Variants in GBP7 observed in about 807,000 individuals in gnomAD.
The protein encoded by GBP7 is guanylate binding protein 7.
In GBP7, 43 loss-of-function variants were observed where a neutral mutation model predicts 61.3. That is an observed-to-expected ratio of 0.70 (90% confidence interval 0.55 to 0.91). The LOEUF is 0.91. Ranked by LOEUF, GBP7 falls within the 40% of genes least tolerant of loss-of-function variation. The pLI is 0.00. For synonymous variants in GBP7, 267 were observed against 271.0 expected (o/e 0.99, Z 0.14); for missense variants, 717 against 740.5 (o/e 0.97, Z 0.37).
chr1:89,175,430 G>A (rs1034301850), intron 1 of GBP7, among the ~76,000 whole-genome samples: 27 of 152,160 alleles, frequency 1.8e-4, no homozygotes, highest in African/African-American at 4.8e-4. Flanking sequence ...CAGAGTATGC[G>A]TCTGTCCAAT....
At chr1:89,154,084 G>A (rs1380457960) in intron 3 of GBP7, among the ~76,000 whole-genome samples, 1 of 152,126 alleles carries the variant, frequency 6.6e-6, no homozygotes, top group Non-Finnish European at 1.5e-5. Flanking sequence ...ATTAAATGCT[G>A]ACCAAATCCA....
At chr1:89,144,185 A>G (rs1034832460) in intron 8 of GBP7, among the ~76,000 whole-genome samples, 2 of 152,076 alleles carry the variant, frequency 1.3e-5, no homozygotes, top group African/African-American at 4.8e-5. Context: ...AGATGCATCC[A>G]TTTTTCTGCA....
chr1:89,169,736 C>G (rs547167455), intron 2 of GBP7, among the ~76,000 whole-genome samples: 2 of 152,258 alleles, frequency 1.3e-5, no homozygotes, highest in African/African-American at 4.8e-5. Flanking sequence ...AAAAGTTCAC[C>G]AAACCACTCA....
intron 8 of GBP7, 85 bp downstream of exon 8, chr1:89,147,482 G>A (rs1384053551): frequency 2.0e-6 from 2 of 1,019,988 alleles, no homozygotes; most frequent in Non-Finnish European, 3.1e-6. Context: ...GATAAATGGT[G>A]CTGTGTTCTT....
chr1:89,150,574 GC>G lies in GBP7; in HGVS notation c.626del (p.Gly209AlafsTer32). 1.2e-6 allele frequency: 2 copies of G among 1,613,232 alleles called. No homozygotes were observed. Among genetic ancestry groups the G allele is most frequent in the South Asian group, 1.1e-5 (1 of 91,022 alleles). ...YLENALKLISGKNPQIQNSNK... is the reference protein window; with the variant it reads ...YLENALKLISXKNPQIQNSNK... The stretch of plus-strand genomic sequence containing the variant: ...TAGAATTTTGGATTTGGGGATTCTT[GC>G]CTGCAGAATTAGTGAAAAAGTGACT... On this transcript the variant is annotated frameshift_variant and splice_region_variant, in exon 6 of 11. Coordinates refer to ENST00000294671, the MANE Select transcript of GBP7 (RefSeq NM_207398.3). LOFTEE classifies it high-confidence loss of function.
intron 8 of GBP7, among the ~76,000 whole-genome samples, chr1:89,143,230 G>T (rs1262820398): frequency 6.6e-6 from 1 of 152,104 alleles, no homozygotes; most frequent in Non-Finnish European, 1.5e-5. Context: ...TTTTCATTTT[G>T]TGAGGAAATT....
intron 2 of GBP7, 22 bp downstream of exon 2, chr1:89,171,724 A>G (rs767817640): frequency 2.1e-5 from 33 of 1,608,078 alleles, no homozygotes; most frequent in Non-Finnish European, 2.8e-5. Flanking sequence ...GGGCTCATCC[A>G]TGCTTTGCTG....
intron 9 of GBP7, among the ~76,000 whole-genome samples, chr1:89,139,806 G>C (rs903452973): frequency 6.6e-6 from 1 of 152,206 alleles, no homozygotes; most frequent in Admixed American, 6.5e-5. Flanking sequence ...ATGCTGGAGA[G>C]GATGTGGAGA....
intron 5 of GBP7, 110 bp downstream of exon 5, chr1:89,152,158 A>T (rs1455126661): frequency 3.5e-6 from 3 of 869,466 alleles, no homozygotes; most frequent in African/African-American, 3.3e-5. Flanking sequence ...ACCATGAGCA[A>T]GGGCCTCAAT....
At chr1:89,144,850 A>G (rs1306823639) in intron 8 of GBP7, among the ~76,000 whole-genome samples, 2 of 151,944 alleles carry the variant, frequency 1.3e-5, no homozygotes, top group African/African-American at 4.8e-5. Context: ...TACTCATCTT[A>G]TAACTGAATG....
At chr1:89,148,777 G>A (rs891997846) in intron 7 of GBP7, among the ~76,000 whole-genome samples, 6 of 152,154 alleles carry the variant, frequency 3.9e-5, no homozygotes, top group Middle Eastern at 3.2e-3. Context: ...TTACGGAGCT[G>A]TGAGCTTAGG....
chr1:89,151,165 A>G (rs971759392), intron 5 of GBP7, among the ~76,000 whole-genome samples: 2 of 152,128 alleles, frequency 1.3e-5, no homozygotes, highest in Non-Finnish European at 2.9e-5. Flanking sequence ...TTCCCACCCT[A>G]TATAACTTCA....
intron 3 of GBP7, among the ~76,000 whole-genome samples, chr1:89,162,936 T>G (rs1482501607): frequency 6.6e-6 from 1 of 152,140 alleles, no homozygotes; most frequent in Non-Finnish European, 1.5e-5. Flanking sequence ...GCTATGTTCC[T>G]TCAATACCTA....
chr1:89,173,500 A>T (rs1365191725), intron 1 of GBP7, among the ~76,000 whole-genome samples: 3 of 152,182 alleles, frequency 2.0e-5, no homozygotes, highest in African/African-American at 7.2e-5. Flanking sequence ...GTATATTCAT[A>T]TAGTAGTTTC....
chr1:89,136,339 C>T (rs979723961), intron 9 of GBP7, among the ~76,000 whole-genome samples: 4 of 152,114 alleles, frequency 2.6e-5, no homozygotes, highest in Non-Finnish European at 5.9e-5. Flanking sequence ...GAACACTCCA[C>T]CCAACAATAA....
rs2100648797 is a variant in GBP7, at chr1:89,152,648, T to C, written c.428+20A>G. Reference sequence around the variant, plus strand: ...CCCTAAACTCCATAAAACCTGGCTCTTCACTTCCTGGAAGGATACTGCAGC... The same window carrying C: ...CCCTAAACTCCATAAAACCTGGCTCCTCACTTCCTGGAAGGATACTGCAGC... On this transcript the variant is annotated intron_variant, in intron 4 of 10. Coordinates refer to ENST00000294671, the MANE Select transcript of GBP7 (RefSeq NM_207398.3). 6.2e-7 allele frequency: 1 copy of C among 1,606,766 alleles called. No individual in the cohort carries two copies. The highest frequency in any genetic ancestry group is 2.2e-5 in the East Asian group (1 of 44,832).
intron 6 of GBP7, 86 bp downstream of exon 6, chr1:89,150,244 C>T (rs180694183): frequency 1.6e-6 from 2 of 1,238,442 alleles, no homozygotes; most frequent in East Asian, 4.7e-5. Flanking sequence ...ATCTCCTTAC[C>T]AGTTGTTCGT....
chr1:89,153,866 G>A (rs550743666), intron 3 of GBP7, among the ~76,000 whole-genome samples: 4 of 152,300 alleles, frequency 2.6e-5, no homozygotes, highest in South Asian at 4.1e-4. Flanking sequence ...CGAGCTGGAC[G>A]TTAAGGAGTA....
intron 9 of GBP7, among the ~76,000 whole-genome samples, chr1:89,135,726 C>G (rs1002343608): frequency 1.1e-4 from 16 of 152,138 alleles, no homozygotes; most frequent in Non-Finnish European, 1.9e-4. Flanking sequence ...CCATTATCAG[C>G]CACTACAAAA....
Sources: gnomAD v4.1 joint callset for allele counts (sites outside exome capture counted in the v4.1 genomes callset) on GRCh38, gnomAD v4.1.1 for gene constraint, MANE v1.5 for transcripts, NCBI Gene and HGNC (gene_info 2026-07-23, HGNC 2026-07-21) for gene names.